The following OSGIN1 variants were observed in gnomAD, a reference collection of about 807,000 sequenced individuals.
The protein encoded by OSGIN1 is oxidative stress-induced growth inhibitor 1.
Under a neutral mutation model 20.1 loss-of-function variants are expected in OSGIN1, and 19 were observed. The observed-to-expected ratio is 0.95, with a 90% CI of 0.66 to 1.39. The LOEUF (loss-of-function observed/expected upper bound fraction) is 1.39, where lower values mean the gene tolerates loss of function less well. Among genes scored for constraint, OSGIN1 ranks in the 40% most tolerant of loss-of-function variants. The probability of loss-of-function intolerance (pLI) is 0.00; values close to 1 mark genes in which losing one functional copy is unlikely to be tolerated. For missense variants in OSGIN1, 820 were observed against 653.0 expected, an observed-to-expected ratio of 1.26 and a Z score of -2.79; for synonymous variants, 368 against 297.8, an observed-to-expected ratio of 1.24 and a Z score of -2.43.
At chr16:83,955,042 A>C (rs1376397223) in intron 1 of OSGIN1, among the ~76,000 whole-genome samples, 1 of 152,050 alleles carries the variant, frequency 6.6e-6, no homozygotes, top group Admixed American at 6.5e-5. Context: ...GCACGGCTTC[A>C]CCTCTCCTAG....
At position 83,954,828 on chromosome 16, in the gene OSGIN1, A is replaced by C; in HGVS notation, c.-33+1458A>C. On this transcript the variant is annotated intron_variant, in intron 1 of 5. Transcript: ENST00000393306. ...CAGTTCTGATTCCTCATTGGCCAGC[A>C]GGGGCTCCTGCAAATGCCCTTCTTG... 5.4e-6 allele frequency: 4 copies of C among 742,112 alleles called. No homozygotes were observed. The South Asian group carries it at 2.4e-4, about 44-fold the overall frequency. 46.0% of individuals were successfully genotyped at this position (742,112 alleles called of 1,614,324 possible).
chr16:83,956,358 A>C (rs1597176080), intron 1 of OSGIN1, among the ~76,000 whole-genome samples: 1 of 152,342 alleles, frequency 6.6e-6, no homozygotes, highest in East Asian at 1.9e-4. Context: ...CCACTTCTTC[A>C]ACTCAGATCA....
chr16:83,961,034 G>C lies in OSGIN1; in HGVS notation c.450G>C (p.Pro150=). 1 of 1,613,544 alleles carries C rather than the reference G, an allele frequency of 6.2e-7. No homozygotes were observed. The highest frequency in any genetic ancestry group is 8.5e-7 in the Non-Finnish European group (1 of 1,179,996). Residue 150 remains proline (P), a synonymous_variant, in exon 5 of 6, where the codon CCG becomes CCC. Transcript: ENST00000393306. ...ILSQGQWMGL[P]DLEVKDWMQK... ...GCCAAGGCCAGTGGATGGGGCTCCC[G>C]GACCTGGAGGTCAAGGACTGGATGC...
In OSGIN1 at chr16:83,965,760, T is replaced by C. The variant is rs1173316545; in HGVS notation, c.1187T>C (p.Ile396Thr). ...VFGVSLVLVLIGSHPDLSFLP... is the reference protein window; with the variant it reads ...VFGVSLVLVLTGSHPDLSFLP... ...GGGGTCTCCCTGGTGCTGGTCCTCA[T>C]CGGCTCCCACCCCGACCTCTCCTTC... Residue 396 changes from isoleucine to threonine, a missense_variant, in exon 6 of 6, where the codon ATC (isoleucine) becomes ACC (threonine). By Grantham distance (89) the Ile-to-Thr change is moderately conservative. Coordinates refer to ENST00000393306, the MANE Select transcript of OSGIN1 (RefSeq NM_182981.3). 6.2e-7 allele frequency: 1 copy of C among 1,613,280 alleles called. No individual in the cohort carries two copies. Among genetic ancestry groups the C allele is most frequent in the Admixed American group, 1.7e-5 (1 of 60,008 alleles).
chr16:83,960,603 G>C lies in OSGIN1; in HGVS notation c.239G>C (p.Arg80Pro). ...TACCTGTCCGAAGGCCTCGAAGGCCGATCCCAAAGCCCCGTGGCCCTGCTC... is the reference window on the plus strand; with the variant it reads ...TACCTGTCCGAAGGCCTCGAAGGCCCATCCCAAAGCCCCGTGGCCCTGCTC... Reference protein sequence around the residue: ...LDYLSEGLEGRSQSPVALLFD... With the variant: ...LDYLSEGLEGPSQSPVALLFD... Residue 80 changes from arginine (R) to proline (P), a missense_variant, in exon 4 of 6, where the codon CGA becomes CCA. By Grantham distance (103) the Arg-to-Pro change is moderately radical (BLOSUM62 -2). Transcript: ENST00000393306. The C allele has an allele frequency of 1.2e-6, 2 of 1,613,380 alleles. No homozygotes were observed. The highest frequency in any genetic ancestry group is 1.1e-5 in the South Asian group (1 of 91,074).
chr16:83,957,528 G>T, intron 1 of OSGIN1, 112 bp from the exon 2 acceptor site: 1 of 666,248 alleles, frequency 1.5e-6, no homozygotes. Context: ...TGGGGACCCC[G>T]GACCAGACCC....
In OSGIN1 at chr16:83,963,127, G is replaced by A. The variant is rs111714451; in HGVS notation, c.489-1935G>A. On this transcript the variant is annotated intron_variant, in intron 5 of 5. Coordinates refer to ENST00000393306, the MANE Select transcript of OSGIN1 (RefSeq NM_182981.3). ...GTCCCCAACGGCAGGCACTCCAGGC[G>A]TCCCCCTCCAGGCCTCACTATCTCT... Among the ~76,000 whole-genome samples the A allele has an allele frequency of 8.4e-3, 1,280 of 152,286 alleles. 19 individuals are homozygous for A. The highest frequency in any genetic ancestry group is 0.029 in the African/African-American group (1,221 of 41,560).
chr16:83,953,561 G>C (rs1908790157), intron 1 of OSGIN1, among the ~76,000 whole-genome samples, 191 bp downstream of exon 1: 2 of 152,194 alleles, frequency 1.3e-5, no homozygotes, highest in South Asian at 2.1e-4. Context: ...GTTCCTCCCA[G>C]ATCCTCAGCT....
At chr16:83,963,190 C>T (rs552230820) in intron 5 of OSGIN1, among the ~76,000 whole-genome samples, 1 of 152,222 alleles carries the variant, frequency 6.6e-6, no homozygotes, top group Non-Finnish European at 1.5e-5. Context: ...GGCAGGAAGA[C>T]TTCCAGGTTT....
At chr16:83,965,008 GC>G in intron 5 of OSGIN1, 53 bp from the exon 6 acceptor site, 1 of 495,468 alleles carries the variant, frequency 2.0e-6, no homozygotes. Context: ...GTCCCACCCA[GC>G]CCCCCAACCC....
rs746562924 is a variant in OSGIN1, at chr16:83,960,581, C to G, written c.217C>G (p.Leu73Val). The G allele has an allele frequency of 6.2e-7, 1 of 1,613,186 alleles. No individual in the cohort carries two copies. The highest frequency in any genetic ancestry group is 8.5e-7 in the Non-Finnish European group (1 of 1,179,906). The change falls in exon 4 of 6, where the codon CTG becomes GTG. Residue 73 changes from leucine (L) to valine (V), a missense_variant. Physicochemically the swap from Leu to Val is conservative, Grantham distance 32. Coordinates refer to ENST00000393306, the MANE Select transcript of OSGIN1 (RefSeq NM_182981.3). ...VSILDQDLDY[L>V]SEGLEGRSQS... is the part of the protein sequence containing the mutation. ...TGCCCCCCTCCAGGACCTGGACTAC[C>G]TGTCCGAAGGCCTCGAAGGCCGATC...
chr16:83,958,442 C>T (rs1299754960), intron 2 of OSGIN1, among the ~76,000 whole-genome samples: 3 of 152,224 alleles, frequency 2.0e-5, no homozygotes, highest in Non-Finnish European at 4.4e-5. Flanking sequence ...GCTTATGATT[C>T]CTGTCCTCTG....
At chr16:83,954,180 C>T (rs1384961132) in intron 1 of OSGIN1, 2 of 152,372 alleles carry the variant, frequency 1.3e-5, no homozygotes, top group East Asian at 3.9e-4. Context: ...GGGATAAGAA[C>T]ACCCACCTCC....
rs1308905290 is a variant in OSGIN1 at position 83,965,583 on chromosome 16, A to T, written c.1010A>T (p.Tyr337Phe). ...CTGCCCAAGATGCTGTACCCCGAGT[A>T]CCACAAGGTGCACCAGATGATGCGG... The part of the protein sequence containing the change: ...NQLPKMLYPE[Y>F]HKVHQMMREQ... The change falls in exon 6 of 6, where the codon TAC becomes TTC. Residue 337 changes from tyrosine (Y) to phenylalanine (F), a missense_variant. By Grantham distance (22) the Tyr-to-Phe change is conservative. Transcript: ENST00000393306. 30 of 1,612,870 alleles carry T rather than the reference A, an allele frequency of 1.9e-5. No individual in the cohort carries two copies. Among genetic ancestry groups the T allele is most frequent in the Non-Finnish European group, 2.5e-5 (29 of 1,180,012 alleles).
chr16:83,964,782 G>C (rs1234697021), intron 5 of OSGIN1, among the ~76,000 whole-genome samples: 2 of 152,154 alleles, frequency 1.3e-5, no homozygotes, highest in Non-Finnish European at 2.9e-5. Flanking sequence ...TCGAGCCCAG[G>C]CAGCGGGGCT....
rs1015014267 is a variant in OSGIN1, at chr16:83,965,637, A to G, written c.1064A>G (p.Tyr355Cys). The G allele has an allele frequency of 6.8e-6, 11 of 1,613,256 alleles. No individual in the cohort carries two copies. Among genetic ancestry groups the G allele is most frequent in the Non-Finnish European group, 9.3e-6 (11 of 1,179,986 alleles). Residue 355 changes from tyrosine (Y) to cysteine (C), a missense_variant, in exon 6 of 6, where the codon TAT (tyrosine) becomes TGT (cysteine). Transcript: ENST00000393306. Reference sequence around the variant, plus strand: ...CAGTCCATCCTGTCGCCCAGCCCCTATGAGGGTTACCGCAGCCTCCCCAGG... The same window carrying G: ...CAGTCCATCCTGTCGCCCAGCCCCTGTGAGGGTTACCGCAGCCTCCCCAGG... The part of the protein sequence containing the change: ...REQSILSPSP[Y>C]EGYRSLPRHQ...
chr16:83,962,322 T>G (rs1014490514), intron 5 of OSGIN1, among the ~76,000 whole-genome samples: 2 of 152,208 alleles, frequency 1.3e-5, no homozygotes, highest in Non-Finnish European at 2.9e-5. Flanking sequence ...CACTGCAAGC[T>G]CCGCCTCCCA....
At chr16:83,954,935 G>A (rs1908854111) in intron 1 of OSGIN1, among the ~76,000 whole-genome samples, 1 of 152,244 alleles carries the variant, frequency 6.6e-6, no homozygotes, top group Non-Finnish European at 1.5e-5. Context: ...GGAGCAGGTT[G>A]GCTCACTCGT....
At chr16:83,961,703 G>C (rs2084215783) in intron 5 of OSGIN1, among the ~76,000 whole-genome samples, 1 of 152,162 alleles carries the variant, frequency 6.6e-6, no homozygotes, top group African/African-American at 2.4e-5. Flanking sequence ...GTGAGCAGCA[G>C]AGCTGGGCTC....
Sources: allele counts gnomAD v4.1 joint callset (sites outside exome capture counted in the v4.1 genomes callset), GRCh38; gene constraint gnomAD v4.1.1; transcripts MANE v1.5; gene names NCBI Gene and HGNC (gene_info 2026-07-23, HGNC 2026-07-21).